KIAA1217: variants seen among roughly 807,000 people sequenced by gnomAD.
KIAA1217 encodes the protein sickle tail protein homolog.
A neutral mutation model predicts 163.9 loss-of-function variants in KIAA1217; 88 were observed. The ratio of observed to expected loss-of-function variants is 0.54; its 90% CI spans 0.45 to 0.64. The LOEUF (loss-of-function observed/expected upper bound fraction) is 0.64, where lower values mean the gene tolerates loss of function less well. Ranked by LOEUF, KIAA1217 falls within the 30% of genes least tolerant of loss-of-function variation. The pLI is 0.00. For synonymous variants in KIAA1217, 903 were observed against 923.1 expected (o/e 0.98, Z 0.39); for missense variants, 2,372 against 2,475.0 (o/e 0.96, Z 0.88).
At chr10:23,895,060 C>G in intron 1 of KIAA1217, among the ~76,000 whole-genome samples, 1 of 152,078 alleles carries the variant, frequency 6.6e-6, no homozygotes, top group Non-Finnish European at 1.5e-5. Flanking sequence ...CTAGGCATTA[C>G]CATTCAGGAC....
intron 2 of KIAA1217, among the ~76,000 whole-genome samples, chr10:24,081,190 TG>T (rs1479959677): frequency 1.3e-5 from 2 of 152,212 alleles, no homozygotes; most frequent in South Asian, 2.1e-4. Flanking sequence ...GGATGTTTGG[TG>T]CCCCAAATCA....
At position 23,771,477 on chromosome 10, in the gene KIAA1217, T is replaced by C. The variant is rs145792482; in HGVS notation, c.-321+76243T>C. The stretch of plus-strand genomic sequence containing the variant: ...AAGCCATTCATTTATGTATCAAGCA[T>C]ACTGGTAAGTCTTGATGCTATTTTG... On this transcript the variant is annotated intron_variant, in intron 1 of 18. Coordinates refer to the KIAA1217 transcript ENST00000376462. Among the ~76,000 whole-genome samples, 710 of 152,348 alleles carry C rather than the reference T, an allele frequency of 4.7e-3. 8 individuals are homozygous for C. Among genetic ancestry groups the C allele is most frequent in the African/African-American group, 0.016 (651 of 41,578 alleles).
At chr10:23,876,588 A>G (rs556469285) in intron 1 of KIAA1217, among the ~76,000 whole-genome samples, 1 of 151,926 alleles carries the variant, frequency 6.6e-6, no homozygotes, top group African/African-American at 2.4e-5. Context: ...TTCAGGGTCA[A>G]TTTTACTGGG....
intron 3 of KIAA1217, among the ~76,000 whole-genome samples, chr10:24,425,463 A>G (rs1165794545): frequency 6.6e-6 from 1 of 152,240 alleles, no homozygotes; most frequent in East Asian, 1.9e-4. Context: ...TGTGGGGTCC[A>G]TCACTGTCAT....
intron 2 of KIAA1217, among the ~76,000 whole-genome samples, chr10:24,107,526 C>T (rs1298152723): frequency 6.6e-6 from 1 of 152,226 alleles, no homozygotes; most frequent in Non-Finnish European, 1.5e-5. Context: ...TCCCTTTTCT[C>T]TGCAATCTCA....
At chr10:24,355,531 T>C (rs2048975369) in intron 2 of KIAA1217, among the ~76,000 whole-genome samples, 1 of 151,920 alleles carries the variant, frequency 6.6e-6, no homozygotes, top group Non-Finnish European at 1.5e-5. Context: ...ACAAGGGCTC[T>C]ACTCTTGTGA....
At chr10:24,302,795 T>C (rs895759709) in intron 2 of KIAA1217, among the ~76,000 whole-genome samples, 1 of 151,700 alleles carries the variant, frequency 6.6e-6, no homozygotes, top group Non-Finnish European at 1.5e-5. Flanking sequence ...AGGGAGGAGG[T>C]GGCCATGTGG....
chr10:24,128,071 T>C (rs889215611), intron 2 of KIAA1217, among the ~76,000 whole-genome samples: 3 of 152,252 alleles, frequency 2.0e-5, no homozygotes, highest in African/African-American at 7.2e-5. Context: ...TTTTTTAAAA[T>C]CCATCCTTTG....
At chr10:24,057,237 A>G (rs1205300400) in intron 2 of KIAA1217, among the ~76,000 whole-genome samples, 3 of 152,220 alleles carry the variant, frequency 2.0e-5, no homozygotes, top group African/African-American at 7.2e-5. Context: ...ACAGAGCAAG[A>G]TCCTGTGTCA....
chr10:24,081,833 A>G (rs2061547262), intron 2 of KIAA1217, among the ~76,000 whole-genome samples: 1 of 152,198 alleles, frequency 6.6e-6, no homozygotes. Flanking sequence ...AGCTTGGTCT[A>G]AAAGGACAGA....
chr10:24,283,960 A>T (rs2078262802), intron 2 of KIAA1217, among the ~76,000 whole-genome samples: 2 of 150,130 alleles, frequency 1.3e-5, no homozygotes, highest in Non-Finnish European at 2.9e-5. Flanking sequence ...CCCAGGCTGG[A>T]GTGCATTGGT....
intron 2 of KIAA1217, among the ~76,000 whole-genome samples, chr10:24,020,967 C>A (rs1331001190): frequency 1.3e-5 from 2 of 151,958 alleles, no homozygotes; most frequent in African/African-American, 4.8e-5. Context: ...AGTCTACCTG[C>A]AACCTATACT....
intron 2 of KIAA1217, among the ~76,000 whole-genome samples, chr10:24,127,183 A>G (rs2063499133): frequency 6.6e-6 from 1 of 152,186 alleles, no homozygotes; most frequent in African/African-American, 2.4e-5. Context: ...TAGACTGTCC[A>G]AAAACCAGCT....
intron 1 of KIAA1217, among the ~76,000 whole-genome samples, chr10:23,760,253 A>G (rs1834185602): frequency 6.6e-6 from 1 of 152,182 alleles, no homozygotes; most frequent in Non-Finnish European, 1.5e-5. Context: ...CACACTAGGC[A>G]TATGAAGGGT....
At chr10:24,029,802 T>A (rs540783917) in intron 2 of KIAA1217, among the ~76,000 whole-genome samples, 4 of 152,174 alleles carry the variant, frequency 2.6e-5, no homozygotes, top group African/African-American at 9.7e-5. Flanking sequence ...TTGTCTTTGT[T>A]AAAGTGGGGA....
At chr10:24,357,842 A>G (rs1591282274) in intron 2 of KIAA1217, among the ~76,000 whole-genome samples, 1 of 152,056 alleles carries the variant, frequency 6.6e-6, no homozygotes, top group African/African-American at 2.4e-5. Context: ...TCTTGGCTGG[A>G]GTGTGATTGG....
At chr10:23,822,612 A>G (rs1468564886) in intron 1 of KIAA1217, among the ~76,000 whole-genome samples, 1 of 152,244 alleles carries the variant, frequency 6.6e-6, no homozygotes, top group African/African-American at 2.4e-5. Flanking sequence ...TCACAGACCT[A>G]CAAACCTCTC....
Position 24,494,505 on chromosome 10 carries a change from G to C in KIAA1217, c.1685G>C (p.Arg562Thr), listed in dbSNP as rs771679969. The C allele has an allele frequency of 6.2e-7, 1 of 1,612,366 alleles. No individual in the cohort carries two copies. Residue 562 changes from arginine (R) to threonine (T), a missense_variant, in exon 7 of 21, where the codon AGG becomes ACG. Physicochemically the swap from Arg to Thr is moderately conservative, Grantham distance 71 (BLOSUM62 -1). Coordinates refer to ENST00000376454, the MANE Select transcript of KIAA1217 (RefSeq NM_019590.5). ...ACAATTCTCTTGTTTTACAGAGAGA[G>C]GATGCAAGCCATGGAGAAACAGATT... ...TIPKDRETRERMQAMEKQIAS... is the reference protein window; with the variant it reads ...TIPKDRETRETMQAMEKQIAS...
chr10:24,519,842 TAA>T (rs936959921), intron 10 of KIAA1217, among the ~76,000 whole-genome samples: 8 of 152,034 alleles, frequency 5.3e-5, no homozygotes, highest in Non-Finnish European at 1.2e-4. Flanking sequence ...CACCACTGAA[TAA>T]AAAGACTCGG....
Sources: allele counts gnomAD v4.1 joint callset (sites outside exome capture counted in the v4.1 genomes callset), GRCh38; gene constraint gnomAD v4.1.1; transcripts MANE v1.5; gene names NCBI Gene and HGNC (gene_info 2026-07-23, HGNC 2026-07-21).